Variants in VWA8 observed in about 807,000 individuals in gnomAD.
The protein encoded by VWA8 is von Willebrand factor A domain-containing protein 8.
A neutral mutation model predicts 241.5 loss-of-function variants in VWA8; 221 were observed. That is an observed-to-expected ratio of 0.91 (90% CI 0.82 to 1.02). The LOEUF is 1.02. Ranked by LOEUF, VWA8 falls within the 50% of genes least tolerant of loss-of-function variation. The probability of loss-of-function intolerance (pLI) is 0.00; values close to 1 mark genes in which losing one functional copy is unlikely to be tolerated. For missense variants in VWA8, 2,322 were observed against 2,328.7 expected (o/e 1.00, Z 0.06); for synonymous variants, 852 against 827.1 (o/e 1.03, Z -0.52).
intron 2 of VWA8, among the ~76,000 whole-genome samples, chr13:41,949,031 T>TAAAAAAAAAAAA (rs35506856): frequency 3.0e-4 from 19 of 63,402 alleles, no homozygotes; most frequent in Non-Finnish European, 4.3e-4. Flanking sequence ...TCTACCATCA[T>TAAAAAAAAAAAA]AAAAAAAAAA....
intron 4 of VWA8, among the ~76,000 whole-genome samples, chr13:41,895,713 G>A (rs1408594735): frequency 6.6e-6 from 1 of 151,874 alleles, no homozygotes; most frequent in Non-Finnish European, 1.5e-5. Flanking sequence ...CACTAATTGT[G>A]CTATTATCCT....
chr13:41,759,596 A>G (rs1468812960), intron 21 of VWA8, among the ~76,000 whole-genome samples: 1 of 151,658 alleles, frequency 6.6e-6, no homozygotes, highest in East Asian at 1.9e-4. Flanking sequence ...TTACACTAAG[A>G]ATTTCCAATT....
chr13:41,707,182 T>C (rs1037720842), intron 26 of VWA8, among the ~76,000 whole-genome samples: 20 of 152,186 alleles, frequency 1.3e-4, no homozygotes, highest in Non-Finnish European at 2.5e-4. Context: ...CATAACATGA[T>C]GCATATGGAC....
Position 41,590,770 on chromosome 13 carries a change from A to G in VWA8, c.4987-5T>C, listed in dbSNP as rs776149676. 1.2e-6 allele frequency: 2 copies of G among 1,613,856 alleles called. No homozygotes were observed. Among genetic ancestry groups the G allele is most frequent in the Admixed American group, 1.7e-5 (1 of 60,012 alleles). On this transcript the variant is annotated splice_region_variant and splice_polypyrimidine_tract_variant and intron_variant, in intron 40 of 44. Transcript: ENST00000379310. ...TTGTCTTTCTTTACCTTTAGCCTAC[A>G]AAAGACACACATACACACACAAAGC...
chr13:41,776,841 C>G (rs943239316), intron 20 of VWA8, among the ~76,000 whole-genome samples: 3 of 152,076 alleles, frequency 2.0e-5, no homozygotes, highest in Admixed American at 2.0e-4. Context: ...GCACTCAAAT[C>G]AATAAAGCAC....
chr13:41,651,733 AGTTT>A (rs1314967891), intron 37 of VWA8, among the ~76,000 whole-genome samples: 2 of 152,146 alleles, frequency 1.3e-5, no homozygotes, highest in East Asian at 3.8e-4. Flanking sequence ...AAAAAATCTT[AGTTT>A]GTGGGCCTAC....
At chr13:41,646,539 G>A (rs558345893) in intron 37 of VWA8, among the ~76,000 whole-genome samples, 28 of 152,254 alleles carry the variant, frequency 1.8e-4, no homozygotes, top group Non-Finnish European at 3.5e-4. Context: ...GAGGAGCCAG[G>A]ATTGAAATCT....
intron 2 of VWA8, among the ~76,000 whole-genome samples, chr13:41,942,597 T>C (rs999054196): frequency 2.6e-5 from 4 of 151,850 alleles, no homozygotes; most frequent in African/African-American, 9.7e-5. Context: ...ATAGAAAACC[T>C]GCATCCACCC....
chr13:41,731,041 TAAAAA>T (rs1329029183), intron 22 of VWA8, among the ~76,000 whole-genome samples: 1 of 149,324 alleles, frequency 6.7e-6, no homozygotes, highest in African/African-American at 2.5e-5. Flanking sequence ...AAATAAAAAA[TAAAAA>T]AATAAAATAA....
rs1038301698 is a variant in VWA8 at position 41,689,251 on chromosome 13, C to A, written c.4131+103G>T. The A allele has an allele frequency of 7.2e-6, 9 of 1,251,154 alleles. No individual in the cohort carries two copies. The Middle Eastern group carries it at 1.1e-3, about 159-fold the overall frequency. The allele number at this position is 1,251,154 out of a possible 1,614,324, so 77.5% of individuals were successfully genotyped here. A position where few individuals can be genotyped will look rare whatever the true frequency, so the allele number is the denominator to read the frequency against. ...GGAAGACTTGATCCAACATGTTTAC[C>A]AGGAAATTATGTTTTTAATTACCCC... On this transcript the variant is annotated intron_variant, in intron 34 of 44. Transcript: ENST00000379310.
intron 21 of VWA8, among the ~76,000 whole-genome samples, chr13:41,744,790 T>C (rs910306060): frequency 6.6e-6 from 1 of 152,114 alleles, no homozygotes; most frequent in African/African-American, 2.4e-5. Flanking sequence ...TAATATATGA[T>C]TGAAACAGTT....
At chr13:41,905,712 C>G (rs1227351175) in intron 4 of VWA8, among the ~76,000 whole-genome samples, 1 of 152,008 alleles carries the variant, frequency 6.6e-6, no homozygotes, top group African/African-American at 2.4e-5. Context: ...CATTCTAGAT[C>G]AGTCTGATTG....
intron 34 of VWA8, among the ~76,000 whole-genome samples, chr13:41,688,663 C>T (rs1446026685): frequency 1.3e-5 from 2 of 152,148 alleles, no homozygotes; most frequent in East Asian, 3.8e-4. Context: ...AATCTATCTT[C>T]ATGACTGTTG....
intron 2 of VWA8, among the ~76,000 whole-genome samples, chr13:41,915,678 A>G (rs1435780711): frequency 6.6e-6 from 1 of 152,178 alleles, no homozygotes; most frequent in Non-Finnish European, 1.5e-5. Flanking sequence ...TAGCGAGGAA[A>G]TCAGTAGAGA....
At chr13:41,657,627 C>T (rs953462821) in intron 37 of VWA8, among the ~76,000 whole-genome samples, 110 of 151,980 alleles carry the variant, frequency 7.2e-4, no homozygotes, top group African/African-American at 2.4e-3. Flanking sequence ...GTAGCTGGGA[C>T]TACAGGCGCC....
At chr13:41,685,009 C>A in intron 35 of VWA8, 38 bp downstream of exon 35, 2 of 1,569,942 alleles carry the variant, frequency 1.3e-6, no homozygotes, top group East Asian at 2.3e-5. Context: ...TACTTTAAAC[C>A]ACCTTTGTAA....
intron 37 of VWA8, among the ~76,000 whole-genome samples, chr13:41,666,632 A>AC (rs573243460): frequency 9.2e-5 from 14 of 151,966 alleles, no homozygotes; most frequent in East Asian, 3.9e-4. Context: ...AAACTTAACA[A>AC]CCCCCCAGTC....
intron 42 of VWA8, among the ~76,000 whole-genome samples, chr13:41,579,683 G>C (rs1306562126): frequency 6.6e-6 from 1 of 152,110 alleles, no homozygotes; most frequent in Non-Finnish European, 1.5e-5. Context: ...AGTTTACAAA[G>C]GGCTTCCATA....
intron 24 of VWA8, 83 bp downstream of exon 24, chr13:41,727,111 G>A: frequency 9.3e-7 from 1 of 1,078,556 alleles, no homozygotes; most frequent in Non-Finnish European, 1.3e-6. Flanking sequence ...CACATGATAA[G>A]CATTCAATGA....
Sources: gnomAD v4.1 joint callset for allele counts (sites outside exome capture counted in the v4.1 genomes callset) on GRCh38, gnomAD v4.1.1 for gene constraint, MANE v1.5 for transcripts, NCBI Gene and HGNC (gene_info 2026-07-23, HGNC 2026-07-21) for gene names.